The following STX7 variants were observed in gnomAD, a reference collection of about 807,000 sequenced individuals.
STX7 encodes the protein syntaxin-7.
Under a neutral mutation model 39.6 loss-of-function variants are expected in STX7, and 34 were observed. The observed-to-expected ratio is 0.86, with a 90% CI of 0.65 to 1.14. The LOEUF is 1.14. Ranked by LOEUF, STX7 falls within the 50% of genes most tolerant of loss-of-function variation. The probability of loss-of-function intolerance (pLI) is 0.00; values close to 1 mark genes in which losing one functional copy is unlikely to be tolerated. For missense variants in STX7, 284 were observed against 310.4 expected (o/e 0.92, Z 0.64); for synonymous variants, 119 against 99.1 (o/e 1.20, Z -1.19).
intron 2 of STX7, among the ~76,000 whole-genome samples, chr6:132,501,631 C>T (rs1400177717): frequency 6.6e-6 from 1 of 152,096 alleles, no homozygotes. Context: ...CTACTGCTTG[C>T]TACTTCTACA....
At chr6:132,506,789 T>G (rs776041244) in intron 1 of STX7, among the ~76,000 whole-genome samples, 31 of 151,960 alleles carry the variant, frequency 2.0e-4, no homozygotes, top group Admixed American at 7.2e-4. Context: ...TTACTGGGTA[T>G]CTACCCAAAA....
intron 2 of STX7, 84 bp downstream of exon 2, chr6:132,503,362 A>C: frequency 8.6e-7 from 1 of 1,160,976 alleles, no homozygotes; most frequent in South Asian, 1.3e-5. Context: ...TCTCTCAATC[A>C]GCAGAGTTGT....
rs1009195576 is a variant in STX7 at position 132,471,469 on chromosome 6, T to C, written c.381A>G (p.Arg127=). ...EFVARVRASS[R]VSGSFPEDSS... is the part of the protein sequence containing the mutation. ...TGTCTTTTAAAATACTTACAGACAC[T>C]CTGGAACTGGCTCTTACTCGAGCAA... Residue 127 remains arginine, a synonymous_variant, in exon 5 of 10, where the codon AGA becomes AGG. Transcript: ENST00000367941. The C allele has an allele frequency of 3.7e-6, 6 of 1,613,596 alleles. No individual in the cohort carries two copies. Among genetic ancestry groups the C allele is most frequent in the Non-Finnish European group, 5.1e-6 (6 of 1,179,840 alleles).
intron 2 of STX7, among the ~76,000 whole-genome samples, chr6:132,482,096 T>C (rs753377170): frequency 1.1e-4 from 16 of 152,160 alleles, no homozygotes; most frequent in Non-Finnish European, 1.9e-4. Flanking sequence ...GAGTGAACCA[T>C]AAAAAGAATA....
chr6:132,480,240 T>C (rs1774983623), intron 2 of STX7, among the ~76,000 whole-genome samples: 1 of 152,182 alleles, frequency 6.6e-6, no homozygotes, highest in African/African-American at 2.4e-5. Flanking sequence ...TTCTGTTATC[T>C]AGAAGCTGCT....
At position 132,503,470 on chromosome 6, in the gene STX7, T is replaced by C. The variant is rs773991133; in HGVS notation, c.61A>G (p.Asn21Asp). Residue 21 changes from asparagine to aspartate, a missense_variant, in exon 2 of 10, where the codon AAC (asparagine) becomes GAC (aspartate). Coordinates refer to ENST00000367941, the MANE Select transcript of STX7 (RefSeq NM_003569.3). ...PAQLAQRISSNIQKITQCSVE... is the reference protein window; with the variant it reads ...PAQLAQRISSDIQKITQCSVE... Reference sequence around the variant, plus strand: ...CAACACTGTGTGATCTTCTGGATGTTAGAAGAGATCCTCTGGGCCAACTGG... The same window carrying C: ...CAACACTGTGTGATCTTCTGGATGTCAGAAGAGATCCTCTGGGCCAACTGG... The C allele has an allele frequency of 1.7e-5, 27 of 1,613,956 alleles. No individual in the cohort carries two copies. Among genetic ancestry groups the C allele is most frequent in the Non-Finnish European group, 2.3e-5 (27 of 1,179,940 alleles).
rs748216383 is a variant in STX7 at position 132,451,832 on chromosome 6, A to G, written c.*8926T>C. On this transcript the variant is annotated 3_prime_UTR_variant, in exon 10 of 10. Coordinates refer to ENST00000367941, the MANE Select transcript of STX7 (RefSeq NM_003569.3). ...CTCCAGGCCCAGATGATTTCATTGG[A>G]AAGTTCTATCAAATGTTTTAAAAAG... is the stretch of plus-strand genomic sequence containing the variant. 9 of 152,212 alleles carry G rather than the reference A, an allele frequency of 5.9e-5. No homozygotes were observed. Among genetic ancestry groups the G allele is most frequent in the Admixed American group, 2.0e-4 (3 of 15,276 alleles). The allele number at this position is 152,212 out of a possible 1,614,324, so 9.4% of individuals were successfully genotyped here.
chr6:132,446,063 C>T lies in STX7; in HGVS notation c.*14695G>A, dbSNP rs1582634360. ...TTAAAGATGAAAGCTAGTACCCTTA[C>T]AACTATTTATATTGCAAAAGCTTTG... is the stretch of plus-strand genomic sequence containing the variant. On this transcript the variant is annotated 3_prime_UTR_variant, in exon 10 of 10. Transcript: ENST00000367941. 6.6e-6 allele frequency: 1 copy of T among 152,300 alleles called. No individual in the cohort carries two copies. The highest frequency in any genetic ancestry group is 1.9e-4 in the East Asian group (1 of 5,186). 9.4% of individuals were successfully genotyped at this position (152,300 alleles called of 1,614,324 possible). A position where few individuals can be genotyped will look rare whatever the true frequency, so the allele number is the denominator to read the frequency against.
intron 8 of STX7, among the ~76,000 whole-genome samples, chr6:132,464,466 T>C (rs1774507863): frequency 6.6e-6 from 1 of 152,212 alleles, no homozygotes; most frequent in Non-Finnish European, 1.5e-5. Flanking sequence ...TCAACTCTCT[T>C]CTTTCTACTG....
At chr6:132,512,065 C>T (rs1775859394) in intron 1 of STX7, among the ~76,000 whole-genome samples, 1 of 152,166 alleles carries the variant, frequency 6.6e-6, no homozygotes, top group African/African-American at 2.4e-5. Context: ...CAACACAAAA[C>T]ACAGTTTAAC....
intron 1 of STX7, among the ~76,000 whole-genome samples, chr6:132,505,763 A>AAC (rs1554252659): frequency 7.7e-6 from 1 of 129,886 alleles, no homozygotes; most frequent in South Asian, 2.5e-4. Flanking sequence ...AAAAAAAAAA[A>AAC]ACACAGGTTT....
Position 132,457,894 on chromosome 6 carries a change from GCT to G in STX7, c.*2862_*2863del, listed in dbSNP as rs1774284511. The G allele has an allele frequency of 6.6e-6, 1 of 152,140 alleles. No homozygotes were observed. The highest frequency in any genetic ancestry group is 2.1e-4 in the South Asian group (1 of 4,826). The allele number at this position is 152,140 out of a possible 1,614,324, so 9.4% of individuals were successfully genotyped here. A position where few individuals can be genotyped will look rare whatever the true frequency, so the allele number is the denominator to read the frequency against. On this transcript the variant is annotated 3_prime_UTR_variant, in exon 10 of 10. Coordinates refer to ENST00000367941, the MANE Select transcript of STX7 (RefSeq NM_003569.3). ...GCATAAGTTACCCTTGTGGACCTTA[GCT>G]ATTAAGGTGGACAATGACTTTATTT...
At chr6:132,499,120 C>CTA (rs1329656758) in intron 2 of STX7, among the ~76,000 whole-genome samples, 1 of 146,386 alleles carries the variant, frequency 6.8e-6, no homozygotes, top group African/African-American at 2.5e-5. Flanking sequence ...TGTGAACTTG[C>CTA]TAGTGGTCCA....
intron 8 of STX7, among the ~76,000 whole-genome samples, chr6:132,464,365 AC>A (rs1365254217): frequency 3.3e-5 from 5 of 152,190 alleles, no homozygotes; most frequent in Admixed American, 3.3e-4. Flanking sequence ...AAGTACTGTC[AC>A]CCTGACATTA....
At chr6:132,461,611 C>T in intron 9 of STX7, 1 of 496,364 alleles carries the variant, frequency 2.0e-6, no homozygotes, top group Admixed American at 3.6e-5. Context: ...CGCCCAGCCC[C>T]TCACACATAT....
intron 2 of STX7, among the ~76,000 whole-genome samples, chr6:132,481,674 A>T (rs1775018480): frequency 1.3e-5 from 2 of 152,190 alleles, no homozygotes; most frequent in African/African-American, 4.8e-5. Flanking sequence ...AGAGCTTCTC[A>T]TGAACAGAAA....
chr6:132,472,123 A>T (rs1774738185), intron 4 of STX7, among the ~76,000 whole-genome samples, 159 bp downstream of exon 4: 2 of 152,212 alleles, frequency 1.3e-5, no homozygotes. Context: ...CTGAGCAATT[A>T]AATATAGTTT....
chr6:132,483,587 C>T (rs1775061869), intron 2 of STX7, among the ~76,000 whole-genome samples: 1 of 152,128 alleles, frequency 6.6e-6, no homozygotes, highest in Admixed American at 6.5e-5. Flanking sequence ...AATTTAGAAA[C>T]AAAACACTTT....
intron 2 of STX7, among the ~76,000 whole-genome samples, chr6:132,478,665 C>G (rs546549737): frequency 6.6e-6 from 1 of 152,358 alleles, no homozygotes; most frequent in African/African-American, 2.4e-5. Context: ...CTCATGATAA[C>G]TAGCAAAAGC....
Sources: allele counts gnomAD v4.1 joint callset (sites outside exome capture counted in the v4.1 genomes callset), GRCh38; gene constraint gnomAD v4.1.1; transcripts MANE v1.5; gene names NCBI Gene and HGNC (gene_info 2026-07-23, HGNC 2026-07-21).